The following CNOT6L variants were observed in gnomAD, a reference collection of about 807,000 sequenced individuals.
CNOT6L encodes CCR4-NOT transcription complex subunit 6 like, also known as CCR4-NOT transcription complex subunit 6-like.
In CNOT6L, 7 loss-of-function variants were observed where a neutral mutation model predicts 64.0. The observed-to-expected ratio is 0.11, with a 90% CI of 0.06 to 0.21. The LOEUF (loss-of-function observed/expected upper bound fraction) is 0.21, where lower values mean the gene tolerates loss of function less well. CNOT6L is among the 10% of genes least tolerant of loss of function. The pLI is 1.00. For synonymous variants in CNOT6L, 193 were observed against 243.4 expected, an observed-to-expected ratio of 0.79 and a Z score of 1.93; for missense variants, 245 against 669.0, an observed-to-expected ratio of 0.37 and a Z score of 6.99.
intron 5 of CNOT6L, among the ~76,000 whole-genome samples, chr4:77,752,042 G>A (rs768525823): frequency 7.2e-5 from 11 of 152,076 alleles, no homozygotes; most frequent in Non-Finnish European, 7.4e-5. Flanking sequence ...ACGTGGTGAC[G>A]GGAGCCTGTA....
At position 77,713,430 on chromosome 4, in the gene CNOT6L, G is replaced by C. The variant is rs1720403478; in HGVS notation, c.*7001C>G. 1 of 152,586 alleles carries C rather than the reference G, an allele frequency of 6.6e-6. No individual in the cohort carries two copies. Among genetic ancestry groups the C allele is most frequent in the Admixed American group, 6.6e-5 (1 of 15,248 alleles). The allele number at this position is 152,586 out of a possible 1,614,324, so 9.5% of individuals were successfully genotyped here. Reference sequence around the variant, plus strand: ...ATTTATTGCCTACAGGGGAAGGAAAGGGAGGGAGAGAGGGGAAGTACACAG... The same window carrying C: ...ATTTATTGCCTACAGGGGAAGGAAACGGAGGGAGAGAGGGGAAGTACACAG... On this transcript the variant is annotated 3_prime_UTR_variant, in exon 12 of 12. Transcript: ENST00000504123.
In CNOT6L at chr4:77,748,299, T is replaced by G. The variant is rs1464989052; in HGVS notation, c.559+17A>C. On this transcript the variant is annotated intron_variant, in intron 6 of 11. Transcript: ENST00000504123. The stretch of plus-strand genomic sequence containing the variant: ...AGAATTTCTGAAAAAAAAGGAAGAA[T>G]AAGAAAAACTATTTACCTGACGGCA... The G allele has an allele frequency of 1.3e-6, 2 of 1,526,182 alleles. No homozygotes were observed. Among genetic ancestry groups the G allele is most frequent in the Admixed American group, 3.4e-5 (2 of 58,966 alleles). The allele number at this position is 1,526,182 out of a possible 1,614,324, so 94.5% of individuals were successfully genotyped here. A position where few individuals can be genotyped will look rare whatever the true frequency, so the allele number is the denominator to read the frequency against.
At chr4:77,788,337 CG>C (rs1729690253) in intron 1 of CNOT6L, among the ~76,000 whole-genome samples, 1 of 152,076 alleles carries the variant, frequency 6.6e-6, no homozygotes, top group Admixed American at 6.6e-5. Flanking sequence ...AAGTAAAATA[CG>C]GAAGATATGT....
rs988902194 is a variant in CNOT6L at position 77,778,304 on chromosome 4, A to G, written c.6-1912T>C. ...AAGATTAAGCAAAGCCAAATCAAAT[A>G]GATCTAGATCCAAAGACACACTACA... On this transcript the variant is annotated intron_variant, in intron 1 of 11. Coordinates refer to ENST00000504123, the MANE Select transcript of CNOT6L (RefSeq NM_144571.3). Among the ~76,000 whole-genome samples, 6 of 152,370 alleles carry G rather than the reference A, an allele frequency of 3.9e-5. No individual in the cohort carries two copies. The South Asian group carries it at 6.2e-4, about 16-fold the overall frequency.
intron 8 of CNOT6L, among the ~76,000 whole-genome samples, chr4:77,737,872 C>G (rs1324338907): frequency 9.9e-5 from 15 of 152,004 alleles, no homozygotes; most frequent in Admixed American, 9.8e-4. Flanking sequence ...ATAGAAATTA[C>G]CAGAAGAGTA....
At chr4:77,750,355 T>C (rs1293069420) in intron 5 of CNOT6L, among the ~76,000 whole-genome samples, 4 of 151,612 alleles carry the variant, frequency 2.6e-5, no homozygotes, top group Admixed American at 6.6e-5. Context: ...GCATTTAAAG[T>C]CAGTTTGTTT....
intron 11 of CNOT6L, among the ~76,000 whole-genome samples, chr4:77,722,295 T>A (rs1047276167): frequency 2.0e-5 from 3 of 151,882 alleles, no homozygotes; most frequent in African/African-American, 4.8e-5. Flanking sequence ...GGCTCATGCC[T>A]GATGCCTGTA....
chr4:77,760,889 T>TTTTC (rs1726148579), intron 4 of CNOT6L, among the ~76,000 whole-genome samples: 1 of 102,560 alleles, frequency 9.8e-6, no homozygotes, highest in Non-Finnish European at 2.0e-5. Flanking sequence ...TTTTTTTTTT[T>TTTTC]TTTTTTAAGG....
At chr4:77,728,540 G>GT (rs1722121711) in intron 10 of CNOT6L, among the ~76,000 whole-genome samples, 1 of 152,132 alleles carries the variant, frequency 6.6e-6, no homozygotes, top group African/African-American at 2.4e-5. Flanking sequence ...TCCTACAACT[G>GT]TATTTTTTCC....
At chr4:77,769,057 A>C (rs762344018) in intron 4 of CNOT6L, among the ~76,000 whole-genome samples, 20 of 152,340 alleles carry the variant, frequency 1.3e-4, no homozygotes, top group South Asian at 4.1e-4. Context: ...ATTATAGCAT[A>C]TTCACATATC....
chr4:77,728,823 G>C (rs781410905), intron 10 of CNOT6L, 31 bp downstream of exon 10: 1 of 1,560,664 alleles, frequency 6.4e-7, no homozygotes, highest in Non-Finnish European at 8.8e-7. Context: ...AAGTGAAATT[G>C]AAAGCAGTGA....
chr4:77,794,598 T>C (rs1156662795), intron 1 of CNOT6L, among the ~76,000 whole-genome samples: 1 of 152,156 alleles, frequency 6.6e-6, no homozygotes. Context: ...AAAGAAAACC[T>C]TCATTTAAAA....
intron 1 of CNOT6L, among the ~76,000 whole-genome samples, chr4:77,814,656 A>T (rs2110190452): frequency 6.6e-6 from 1 of 152,334 alleles, no homozygotes; most frequent in South Asian, 2.1e-4. Flanking sequence ...AAGATGTTAG[A>T]GAAGTATTTA....
chr4:77,734,307 C>T (rs894916637), intron 8 of CNOT6L, among the ~76,000 whole-genome samples: 1 of 151,968 alleles, frequency 6.6e-6, no homozygotes, highest in Non-Finnish European at 1.5e-5. Context: ...AACCCAATAC[C>T]TCCATTTAAA....
intron 1 of CNOT6L, among the ~76,000 whole-genome samples, chr4:77,801,555 TAC>T (rs1181824018): frequency 1.3e-5 from 2 of 152,054 alleles, no homozygotes; most frequent in Admixed American, 6.5e-5. Flanking sequence ...AGTCAAGGAA[TAC>T]AGTTTGATAT....
chr4:77,738,191 T>C lies in CNOT6L; in HGVS notation c.872+3950A>G, dbSNP rs72864923. Among the ~76,000 whole-genome samples, 272 of 152,288 alleles carry C rather than the reference T, an allele frequency of 1.8e-3. 2 individuals carry two copies. The highest frequency in any genetic ancestry group is 5.5e-3 in the African/African-American group (227 of 41,554). Reference sequence around the variant, plus strand: ...ACAACCTAAGTTCCCAATCCTATGATAAGAGATTGCCTCTTCACAGTGCAA... The same window carrying C: ...ACAACCTAAGTTCCCAATCCTATGACAAGAGATTGCCTCTTCACAGTGCAA... On this transcript the variant is annotated intron_variant, in intron 8 of 11. Transcript: ENST00000504123.
At chr4:77,766,413 T>C (rs929159372) in intron 4 of CNOT6L, among the ~76,000 whole-genome samples, 1 of 152,088 alleles carries the variant, frequency 6.6e-6, no homozygotes, top group African/African-American at 2.4e-5. Flanking sequence ...TAAAAACTAT[T>C]AGAAGCAGTC....
chr4:77,751,099 T>C (rs185106148), intron 5 of CNOT6L, among the ~76,000 whole-genome samples: 1 of 152,268 alleles, frequency 6.6e-6, no homozygotes, highest in East Asian at 1.9e-4. Flanking sequence ...TTGAAATATC[T>C]GACAGATTTT....
intron 11 of CNOT6L, among the ~76,000 whole-genome samples, chr4:77,721,988 G>GA (rs995951048): frequency 5.6e-4 from 75 of 134,698 alleles, no homozygotes; most frequent in African/African-American, 6.8e-4. Context: ...TAAAAGAAAA[G>GA]AAAAAAAAAA....
Sources: gnomAD v4.1 joint callset for allele counts (sites outside exome capture counted in the v4.1 genomes callset) on GRCh38, gnomAD v4.1.1 for gene constraint, MANE v1.5 for transcripts, NCBI Gene and HGNC (gene_info 2026-07-23, HGNC 2026-07-21) for gene names.